Variants in ZNF500 observed in about 807,000 individuals in gnomAD.
ZNF500 encodes the protein zinc finger protein 500, also known as zinc finger protein with KRAB and SCAN domains 18.
In ZNF500, 31 loss-of-function variants were observed where a neutral mutation model predicts 30.1. The ratio of observed to expected loss-of-function variants is 1.03; its 90% CI spans 0.77 to 1.39. The LOEUF (loss-of-function observed/expected upper bound fraction) is 1.39. Ranked by LOEUF, ZNF500 falls within the 40% of genes most tolerant of loss-of-function variation. ZNF500 has a pLI of 0.00. For synonymous variants in ZNF500, 392 were observed against 282.0 expected (o/e 1.39, Z -3.91); for missense variants, 817 against 657.8 (o/e 1.24, Z -2.65).
rs1057313314 is a variant in ZNF500 at position 4,765,944 on chromosome 16, G to T, written c.35C>A (p.Thr12Asn). 1 of 1,592,516 alleles carries T rather than the reference G, an allele frequency of 6.3e-7. No homozygotes were observed. Among genetic ancestry groups the T allele is most frequent in the Non-Finnish European group, 8.5e-7 (1 of 1,170,592 alleles). The change falls in exon 2 of 6, where the codon ACC (threonine) becomes AAC (asparagine). Residue 12 changes from threonine (T) to asparagine (N), a missense_variant. Thr to Asn is a moderately conservative substitution (Grantham distance 65). Coordinates refer to ENST00000219478, the MANE Select transcript of ZNF500 (RefSeq NM_021646.4). ...ATVPGLQPLP[T>N]LEQDLEQEEI... is the part of the protein sequence containing the mutation. The stretch of plus-strand genomic sequence containing the variant: ...TTCCTGTTCCAGGTCCTGCTCCAAG[G>T]TTGGCAGGGGCTGGAGGCCAGGGAC...
chr16:4,762,926 T>G, intron 2 of ZNF500, 170 bp from the exon 3 acceptor site: 1 of 985,280 alleles, frequency 1.0e-6, no homozygotes, highest in Admixed American at 6.1e-5. Flanking sequence ...TGCAGCCAGC[T>G]CCCAGCCTGC....
At position 4,766,048 on chromosome 16, in the gene ZNF500, G is replaced by C. The variant is rs1283781998; in HGVS notation, c.-70C>G. The C allele has an allele frequency of 6.7e-7, 1 of 1,483,678 alleles. No homozygotes were observed. Among genetic ancestry groups the C allele is most frequent in the Non-Finnish European group, 8.9e-7 (1 of 1,121,236 alleles). 91.9% of individuals were successfully genotyped at this position (1,483,678 alleles called of 1,614,324 possible). On this transcript the variant is annotated 5_prime_UTR_variant, in exon 2 of 6. Coordinates refer to ENST00000219478, the MANE Select transcript of ZNF500 (RefSeq NM_021646.4). Reference sequence around the variant, plus strand: ...CTGTCTCTCTCTATACCTCTGGCCAGACACAGGAAGAGAGTTTTTTTCAGG... The same window carrying C: ...CTGTCTCTCTCTATACCTCTGGCCACACACAGGAAGAGAGTTTTTTTCAGG...
chr16:4,766,743 A>C (rs1183025646), intron 1 of ZNF500, among the ~76,000 whole-genome samples: 1 of 152,092 alleles, frequency 6.6e-6, no homozygotes, highest in Non-Finnish European at 1.5e-5. Context: ...CTTTCTGCAG[A>C]CTCTGCCTCA....
chr16:4,746,996 G>A (rs2082025645), downstream of ZNF500: 1 of 1,541,294 alleles, frequency 6.5e-7, no homozygotes, highest in Non-Finnish European at 8.7e-7. Flanking sequence ...GAGACGCAGA[G>A]GGGGCATCTC....
intron 4 of ZNF500, among the ~76,000 whole-genome samples, chr16:4,761,448 C>A (rs1335806700): frequency 5.4e-5 from 8 of 147,000 alleles, no homozygotes; most frequent in African/African-American, 2.0e-4. Context: ...CTCAAAAAAA[C>A]AAAAACAAAA....
chr16:4,745,726 A>G, downstream of ZNF500, among the ~76,000 whole-genome samples: 1 of 152,174 alleles, frequency 6.6e-6, no homozygotes, highest in Admixed American at 6.6e-5. Context: ...CGAGGCAGGC[A>G]GATCACCTGA....
chr16:4,763,609 C>T (rs2082231573), intron 2 of ZNF500: 1 of 985,270 alleles, frequency 1.0e-6, no homozygotes, highest in African/African-American at 1.7e-5. Flanking sequence ...ACATTCCACA[C>T]CTCTAAGGGA....
At chr16:4,755,770 G>T (rs1596497672) in intron 5 of ZNF500, among the ~76,000 whole-genome samples, 1 of 152,296 alleles carries the variant, frequency 6.6e-6, no homozygotes, top group African/African-American at 2.4e-5. Flanking sequence ...GTTCACGACA[G>T]CACTCTTCAC....
intron 5 of ZNF500, among the ~76,000 whole-genome samples, chr16:4,754,424 C>T (rs1447331193): frequency 6.6e-6 from 1 of 151,974 alleles, no homozygotes; most frequent in Non-Finnish European, 1.5e-5. Flanking sequence ...CTTTGGGAGG[C>T]CGAGGAAGGC....
rs752002986 is a variant in ZNF500, at chr16:4,765,759, G to A, written c.220C>T (p.Leu74=). Residue 74 remains leucine (L), a synonymous_variant, in exon 2 of 6, where the codon CTG becomes TTG. Coordinates refer to ENST00000219478, the MANE Select transcript of ZNF500 (RefSeq NM_021646.4). The part of the protein sequence containing the change: ...PREALSRLWE[L]CCRWLRPELR... ...TCCGGCCGCAGCCAGCGGCAGCACA[G>A]CTCCCAGAGGCGGCTCAGGGCCTCC... 3 of 1,612,992 alleles carry A rather than the reference G, an allele frequency of 1.9e-6. No homozygotes were observed. Among genetic ancestry groups the A allele is most frequent in the Non-Finnish European group, 8.5e-7 (1 of 1,179,888 alleles).
intron 4 of ZNF500, 123 bp from the exon 5 acceptor site, chr16:4,760,711 C>T: frequency 1.3e-6 from 1 of 783,326 alleles, no homozygotes; most frequent in Non-Finnish European, 2.1e-6. Flanking sequence ...CCTGGTGGTG[C>T]AGCTGGTCTT....
At position 4,752,308 on chromosome 16, in the gene ZNF500, G is replaced by C; in HGVS notation, c.*68C>G. The C allele has an allele frequency of 7.0e-7, 1 of 1,436,258 alleles. No homozygotes were observed. Among genetic ancestry groups the C allele is most frequent in the South Asian group, 1.5e-5 (1 of 67,298 alleles). The allele number at this position is 1,436,258 out of a possible 1,614,324, so 89.0% of individuals were successfully genotyped here. On this transcript the variant is annotated 3_prime_UTR_variant, in exon 6 of 6. Transcript: ENST00000219478. The stretch of plus-strand genomic sequence containing the variant: ...GCTGGCAATGCTTTCGGACCAGGCT[G>C]TCTAGCAGTTTCCTGAATTCTGTGC...
In ZNF500 at chr16:4,752,260, T is replaced by A. The variant is rs887801219; in HGVS notation, c.*116A>T. 26 of 1,428,662 alleles carry A rather than the reference T, an allele frequency of 1.8e-5. No individual in the cohort carries two copies. The highest frequency in any genetic ancestry group is 5.1e-4 in the Middle Eastern group (2 of 3,908). The allele number at this position is 1,428,662 out of a possible 1,614,324, so 88.5% of individuals were successfully genotyped here. A position where few individuals can be genotyped will look rare whatever the true frequency, so the allele number is the denominator to read the frequency against. On this transcript the variant is annotated 3_prime_UTR_variant, in exon 6 of 6. Coordinates refer to ENST00000219478, the MANE Select transcript of ZNF500 (RefSeq NM_021646.4). ...CAAATGTCCCCTGCTGGCCTCATAC[T>A]GGGCCATGGGAGGAAACGGGCAGCT...
intron 5 of ZNF500, chr16:4,758,693 T>C (rs1276046901): frequency 6.6e-6 from 1 of 152,302 alleles, no homozygotes; most frequent in East Asian, 1.9e-4. Flanking sequence ...CATGGACAGA[T>C]GTCCTCTGGG....
chr16:4,760,055 CA>C (rs568768845), intron 5 of ZNF500, among the ~76,000 whole-genome samples: 1 of 152,018 alleles, frequency 6.6e-6, no homozygotes, highest in African/African-American at 2.4e-5. Flanking sequence ...AACAAGCAAA[CA>C]AAAAACCAGA....
Position 4,751,423 on chromosome 16 carries a change from G to A in ZNF500, c.*953C>T. ...AGGCCCGTCACATCCCAGGCAACAT[G>A]TCAGGAAGATGGAACTCAGGGGTGC... On this transcript the variant is annotated 3_prime_UTR_variant, in exon 6 of 6. Transcript: ENST00000219478. 4.3e-6 allele frequency: 3 copies of A among 705,180 alleles called. No individual in the cohort carries two copies. Among genetic ancestry groups the A allele is most frequent in the Admixed American group, 3.0e-5 (1 of 32,892 alleles). The allele number at this position is 705,180 out of a possible 1,614,324, so 43.7% of individuals were successfully genotyped here.
At position 4,750,508 on chromosome 16, in the gene ZNF500, T is replaced by G. The variant is rs973057629; in HGVS notation, c.*1868A>C. ...ATGCCTGGCTAATTTTTTTTTTTTT[T>G]GTGTGGAGTCTCGTTCTATCACCAG... On this transcript the variant is annotated 3_prime_UTR_variant, in exon 6 of 6. Coordinates refer to ENST00000219478, the MANE Select transcript of ZNF500 (RefSeq NM_021646.4). 4 of 147,298 alleles carry G rather than the reference T, an allele frequency of 2.7e-5. No individual in the cohort carries two copies. The highest frequency in any genetic ancestry group is 1.0e-4 in the African/African-American group (4 of 39,858). 9.1% of individuals were successfully genotyped at this position (147,298 alleles called of 1,614,324 possible).
intron 3 of ZNF500, 112 bp downstream of exon 3, chr16:4,762,461 C>G: frequency 1.3e-6 from 2 of 1,514,210 alleles, no homozygotes; most frequent in Non-Finnish European, 1.8e-6. Flanking sequence ...GCTGGAGAGC[C>G]TGTGCACCCT....
rs1055839937 is a variant in ZNF500 at position 4,751,511 on chromosome 16, T to C, written c.*865A>G. The C allele has an allele frequency of 6.8e-7, 1 of 1,468,422 alleles. No homozygotes were observed. Among genetic ancestry groups the C allele is most frequent in the Non-Finnish European group, 9.1e-7 (1 of 1,101,564 alleles). 91.0% of individuals were successfully genotyped at this position (1,468,422 alleles called of 1,614,324 possible). A position where few individuals can be genotyped will look rare whatever the true frequency, so the allele number is the denominator to read the frequency against. Reference sequence around the variant, plus strand: ...TATGGATCTGCAAAGGGGACTGGAATGCTGCAGAGCCCCGGGCTCCATTTG... The same window carrying C: ...TATGGATCTGCAAAGGGGACTGGAACGCTGCAGAGCCCCGGGCTCCATTTG... On this transcript the variant is annotated 3_prime_UTR_variant, in exon 6 of 6. Transcript: ENST00000219478.
Sources: gnomAD v4.1 joint callset for allele counts (sites outside exome capture counted in the v4.1 genomes callset) on GRCh38, gnomAD v4.1.1 for gene constraint, MANE v1.5 for transcripts, NCBI Gene and HGNC (gene_info 2026-07-23, HGNC 2026-07-21) for gene names.